Variants in PLXDC2 observed in about 807,000 individuals in gnomAD.
The protein encoded by PLXDC2 is plexin domain containing 2.
In PLXDC2, 40 loss-of-function variants were observed where a neutral mutation model predicts 68.9. That is an observed-to-expected ratio of 0.58 (90% CI 0.45 to 0.76). The LOEUF (loss-of-function observed/expected upper bound fraction) is 0.76. Ranked by LOEUF, PLXDC2 falls within the 30% of genes least tolerant of loss-of-function variation. The probability of loss-of-function intolerance (pLI) is 0.00; values close to 1 mark genes in which losing one functional copy is unlikely to be tolerated. For missense variants in PLXDC2, 644 were observed against 661.9 expected (o/e 0.97, Z 0.30); for synonymous variants, 243 against 234.2 (o/e 1.04, Z -0.34).
At position 20,179,383 on chromosome 10, in the gene PLXDC2, A is replaced by G. The variant is rs114298810; in HGVS notation, c.1061+1974A>G. 9.1e-3 allele frequency among the ~76,000 whole-genome samples: 1,381 copies of G among 152,180 alleles called. 23 individuals are homozygous for G. Among genetic ancestry groups the G allele is most frequent in the African/African-American group, 0.032 (1,316 of 41,544 alleles). ...AGCCTAAGAACATACCTGGGACTGC[A>G]GAAAAAAATGGATGAACAAAGGAAT... On this transcript the variant is annotated intron_variant, in intron 9 of 13. Transcript: ENST00000377252.
intron 1 of PLXDC2, among the ~76,000 whole-genome samples, chr10:19,943,243 CT>C (rs61397731): frequency 0.57 from 84,965 of 150,220 alleles, 24,314 homozygotes; most frequent in East Asian, 0.76. Context: ...TTTGATAGAA[CT>C]TTTTTTTTTT....
At chr10:19,907,633 G>A (rs1003981572) in intron 1 of PLXDC2, among the ~76,000 whole-genome samples, 1 of 152,150 alleles carries the variant, frequency 6.6e-6, no homozygotes, top group South Asian at 2.1e-4. Flanking sequence ...TAAATCTGTG[G>A]CTAAATCAGC....
chr10:20,099,936 C>T (rs1327649731), intron 4 of PLXDC2, among the ~76,000 whole-genome samples: 2 of 151,980 alleles, frequency 1.3e-5, no homozygotes, highest in Admixed American at 6.6e-5. Flanking sequence ...AAACACAAAC[C>T]AGTATGTATT....
intron 1 of PLXDC2, among the ~76,000 whole-genome samples, chr10:19,913,314 C>T (rs1833307145): frequency 6.6e-6 from 1 of 152,036 alleles, no homozygotes; most frequent in African/African-American, 2.4e-5. Context: ...CTCTCTTTTC[C>T]TCCTGCTCTC....
At chr10:19,886,058 G>A (rs894803120) in intron 1 of PLXDC2, among the ~76,000 whole-genome samples, 2 of 152,114 alleles carry the variant, frequency 1.3e-5, no homozygotes, top group Non-Finnish European at 2.9e-5. Flanking sequence ...TCTCCTTGAA[G>A]AGGTCCTTCA....
At chr10:20,023,462 A>T (rs1037419996) in intron 2 of PLXDC2, among the ~76,000 whole-genome samples, 1 of 152,190 alleles carries the variant, frequency 6.6e-6, no homozygotes, top group Non-Finnish European at 1.5e-5. Context: ...TAATTAGGCC[A>T]TGAAGGTTCT....
intron 7 of PLXDC2, among the ~76,000 whole-genome samples, chr10:20,173,579 AG>A (rs1311222440): frequency 6.6e-6 from 1 of 152,200 alleles, no homozygotes; most frequent in Admixed American, 6.5e-5. Flanking sequence ...CATCGCCTTA[AG>A]CTTTCGATCA....
chr10:19,974,614 G>A (rs900294841), intron 1 of PLXDC2, among the ~76,000 whole-genome samples: 1 of 152,144 alleles, frequency 6.6e-6, no homozygotes, highest in Non-Finnish European at 1.5e-5. Flanking sequence ...ACAATTAGGG[G>A]ACTTAATTTC....
intron 1 of PLXDC2, among the ~76,000 whole-genome samples, chr10:19,840,795 A>G (rs1388899213): frequency 6.6e-6 from 1 of 152,140 alleles, no homozygotes; most frequent in Non-Finnish European, 1.5e-5. Flanking sequence ...AGAATTTGGT[A>G]AGGAGTGTAT....
chr10:20,255,094 T>G (rs989691176), intron 13 of PLXDC2, among the ~76,000 whole-genome samples: 4 of 152,156 alleles, frequency 2.6e-5, no homozygotes, highest in Middle Eastern at 3.2e-3. Context: ...TTTGCTGTAA[T>G]TTCTTTTTAC....
chr10:19,887,902 G>A (rs904421870), intron 1 of PLXDC2, among the ~76,000 whole-genome samples: 1 of 152,152 alleles, frequency 6.6e-6, no homozygotes, highest in African/African-American at 2.4e-5. Flanking sequence ...ACTTACAAAT[G>A]ACATTAATGC....
At chr10:19,866,601 C>T (rs771539138) in intron 1 of PLXDC2, among the ~76,000 whole-genome samples, 2 of 152,094 alleles carry the variant, frequency 1.3e-5, no homozygotes, top group South Asian at 2.1e-4. Flanking sequence ...CAAACTGATA[C>T]GGGGTTCATT....
intron 4 of PLXDC2, among the ~76,000 whole-genome samples, chr10:20,080,023 T>C (rs188783198): frequency 2.9e-4 from 44 of 152,238 alleles, no homozygotes; most frequent in Admixed American, 5.9e-4. Context: ...GAAAGGACTG[T>C]TCTCCTTAAT....
At chr10:19,999,773 G>A (rs1323932044) in intron 1 of PLXDC2, among the ~76,000 whole-genome samples, 1 of 152,156 alleles carries the variant, frequency 6.6e-6, no homozygotes, top group Non-Finnish European at 1.5e-5. Flanking sequence ...TAATGAAGCA[G>A]GATATATAAA....
At chr10:20,240,484 C>A (rs1265911080) in intron 12 of PLXDC2, among the ~76,000 whole-genome samples, 2 of 152,090 alleles carry the variant, frequency 1.3e-5, no homozygotes, top group Admixed American at 1.3e-4. Context: ...CATAAATATG[C>A]AAAATCTGTA....
intron 13 of PLXDC2, among the ~76,000 whole-genome samples, chr10:20,271,815 C>T (rs1049482309): frequency 2.0e-5 from 3 of 152,240 alleles, no homozygotes; most frequent in East Asian, 3.9e-4. Context: ...CTGGAGGTAG[C>T]AGCTTCGAGG....
At position 19,875,895 on chromosome 10, in the gene PLXDC2, G is replaced by A. The variant is rs952264821; in HGVS notation, c.112+58704G>A. Among the ~76,000 whole-genome samples, 5 of 152,240 alleles carry A rather than the reference G, an allele frequency of 3.3e-5. No homozygotes were observed. In the South Asian group the frequency reaches 1.0e-3, roughly 32 times the overall value. On this transcript the variant is annotated intron_variant, in intron 1 of 13. Transcript: ENST00000377252. ...GGGACATTTTGATTAAGAGAGAATA[G>A]CTTGACATGTTGATTTTTTTGATGT...
chr10:19,851,421 T>C (rs899232157), intron 1 of PLXDC2, among the ~76,000 whole-genome samples: 1 of 152,224 alleles, frequency 6.6e-6, no homozygotes, highest in African/African-American at 2.4e-5. Context: ...CCTCCTCACA[T>C]GTTTTAGTAC....
chr10:20,289,834 A>G lies in PLXDC2; in HGVS notation c.*10015A>G, dbSNP rs1836208796. On this transcript the variant is annotated 3_prime_UTR_variant, in exon 14 of 14. Coordinates refer to ENST00000377252, the MANE Select transcript of PLXDC2 (RefSeq NM_032812.9). ...TGATTAAACTTTGATATTGTGGAGT[A>G]AATTCAGAAGTGCAATTTTAAATGG... 1 of 152,198 alleles carries G rather than the reference A, an allele frequency of 6.6e-6. No individual in the cohort carries two copies. The allele number at this position is 152,198 out of a possible 1,614,324, so 9.4% of individuals were successfully genotyped here. A position where few individuals can be genotyped will look rare whatever the true frequency, so the allele number is the denominator to read the frequency against.
Sources: gnomAD v4.1 joint callset for allele counts (sites outside exome capture counted in the v4.1 genomes callset) on GRCh38, gnomAD v4.1.1 for gene constraint, MANE v1.5 for transcripts, NCBI Gene and HGNC (gene_info 2026-07-23, HGNC 2026-07-21) for gene names.